Variants in NDRG1 observed in about 807,000 individuals in gnomAD.
The protein encoded by NDRG1 is N-myc downstream regulated 1.
A neutral mutation model predicts 56.9 loss-of-function variants in NDRG1; 32 were observed. That is an observed-to-expected ratio of 0.56 (90% CI 0.42 to 0.76). The LOEUF (loss-of-function observed/expected upper bound fraction) is 0.76. Ranked by LOEUF, NDRG1 falls within the 30% of genes least tolerant of loss-of-function variation. The probability of loss-of-function intolerance (pLI) is 0.00; values close to 1 mark genes in which losing one functional copy is unlikely to be tolerated. For synonymous variants in NDRG1, 211 were observed against 204.1 expected, an observed-to-expected ratio of 1.03 and a Z score of -0.29; for missense variants, 507 against 545.7, an observed-to-expected ratio of 0.93 and a Z score of 0.71.
At chr8:133,267,619 T>C (rs1196008728) in intron 3 of NDRG1, among the ~76,000 whole-genome samples, 4 of 152,214 alleles carry the variant, frequency 2.6e-5, no homozygotes, top group African/African-American at 9.6e-5. Flanking sequence ...CTGAAGCCAC[T>C]GTGGGAACAA....
At chr8:133,255,445 C>T (rs1856318538) in intron 8 of NDRG1, 1 of 455,510 alleles carries the variant, frequency 2.2e-6, no homozygotes, top group African/African-American at 2.0e-5. Context: ...TAAAGCTGTA[C>T]TGAAGGGAAT....
At chr8:133,276,109 G>A (rs191014795) in intron 3 of NDRG1, among the ~76,000 whole-genome samples, 9 of 152,294 alleles carry the variant, frequency 5.9e-5, no homozygotes, top group East Asian at 5.8e-4. Flanking sequence ...CCAGGCTGGT[G>A]CACAATGCTG....
In NDRG1 at chr8:133,274,918, C is replaced by T. The variant is rs547626573; in HGVS notation, c.99+5314G>A. On this transcript the variant is annotated intron_variant, in intron 3 of 15. Coordinates refer to ENST00000323851, the MANE Select transcript of NDRG1 (RefSeq NM_006096.4). ...GGTCCCCAAAGATTCAGCAAGAGGG[C>T]GTGGGAGGCCCTCAGTGCTGGCCTG... 1.3e-3 allele frequency among the ~76,000 whole-genome samples: 203 copies of T among 152,270 alleles called. 4 individuals carry two copies. In the Middle Eastern group the frequency reaches 0.017, roughly 13 times the overall value.
At chr8:133,251,550 G>A (rs899453993) in intron 9 of NDRG1, among the ~76,000 whole-genome samples, 11 of 152,214 alleles carry the variant, frequency 7.2e-5, no homozygotes, top group South Asian at 4.1e-4. Context: ...GATGCTCAAC[G>A]CTATGTCTGA....
In NDRG1 at chr8:133,248,790, T is replaced by G; in HGVS notation, c.699-19A>C. Reference sequence around the variant, plus strand: ...GCGCCGGCTGCAGGAAACAAATGCATCATTAGCATGAGGACCCCTCCCCTG... The same window carrying G: ...GCGCCGGCTGCAGGAAACAAATGCAGCATTAGCATGAGGACCCCTCCCCTG... On this transcript the variant is annotated intron_variant, in intron 10 of 15. Transcript: ENST00000323851. 1.2e-6 allele frequency: 2 copies of G among 1,613,994 alleles called. No individual in the cohort carries two copies. The highest frequency in any genetic ancestry group is 1.7e-6 in the Non-Finnish European group (2 of 1,179,998).
intron 11 of NDRG1, 97 bp from the exon 12 acceptor site, chr8:133,248,023 A>C: frequency 5.7e-6 from 7 of 1,226,674 alleles, no homozygotes; most frequent in Non-Finnish European, 8.4e-6. Flanking sequence ...TCTACAAACA[A>C]TGTCATTTTG....
Position 133,254,579 on chromosome 8 carries a change from T to C in NDRG1, c.554A>G (p.Gln185Arg), listed in dbSNP as rs776030527. 1.9e-6 allele frequency: 3 copies of C among 1,614,130 alleles called. No individual in the cohort carries two copies. The highest frequency in any genetic ancestry group is 1.1e-5 in the South Asian group (1 of 91,058). Residue 185 changes from glutamine to arginine, a missense_variant, in exon 9 of 16, where the codon CAA (glutamine) becomes CGA (arginine). Transcript: ENST00000323851. ...WAASKISGWT[Q>R]ALPDMVVSHL... Reference sequence around the variant, plus strand: ...GGACACCACCATGTCCGGCAGAGCTTGGGTCCATCCTGAGATCTGGAAAGG... The same window carrying C: ...GGACACCACCATGTCCGGCAGAGCTCGGGTCCATCCTGAGATCTGGAAAGG...
Position 133,247,882 on chromosome 8 carries a change from T to C in NDRG1, c.800A>G (p.Asp267Gly), listed in dbSNP as rs1287073036. 3.1e-6 allele frequency: 5 copies of C among 1,614,044 alleles called. No individual in the cohort carries two copies. The highest frequency in any genetic ancestry group is 1.7e-5 in the Admixed American group (1 of 60,028). ...GCTGTGATTTCTACATACCACGGCATCCACTGCAGGCGAGCTGTCCCCAAC... is the reference window on the plus strand; with the variant it reads ...GCTGTGATTTCTACATACCACGGCACCCACTGCAGGCGAGCTGTCCCCAAC... ...LVVGDSSPAV[D>G]AVVECNSKLD... Residue 267 changes from aspartate to glycine, a missense_variant, in exon 12 of 16, where the codon GAT becomes GGT. Transcript: ENST00000323851.
chr8:133,250,992 C>T (rs1855996025), intron 9 of NDRG1, among the ~76,000 whole-genome samples: 1 of 151,802 alleles, frequency 6.6e-6, no homozygotes, highest in Non-Finnish European at 1.5e-5. Flanking sequence ...TGTGTTCTCA[C>T]CTCTACTAAC....
intron 1 of NDRG1, among the ~76,000 whole-genome samples, chr8:133,289,594 G>A (rs1858318437): frequency 6.6e-6 from 1 of 152,210 alleles, no homozygotes; most frequent in Admixed American, 6.5e-5. Context: ...AGCAGACCCA[G>A]GAGAGTCAGA....
chr8:133,282,536 A>T (rs969606878), intron 2 of NDRG1, among the ~76,000 whole-genome samples: 2 of 152,222 alleles, frequency 1.3e-5, no homozygotes, highest in Admixed American at 6.5e-5. Context: ...GAATATGGTG[A>T]TATGTATTTG....
At position 133,238,782 on chromosome 8, in the gene NDRG1, T is replaced by C. The variant is rs990839010; in HGVS notation, c.*96A>G. 2.9e-6 allele frequency: 4 copies of C among 1,356,212 alleles called. No homozygotes were observed. The highest frequency in any genetic ancestry group is 4.0e-6 in the Non-Finnish European group (4 of 1,007,072). 84.0% of individuals were successfully genotyped at this position (1,356,212 alleles called of 1,614,324 possible). On this transcript the variant is annotated 3_prime_UTR_variant, in exon 16 of 16. Transcript: ENST00000323851. ...AAATAAGCTTTGGATTAATACCGAGTTAGGCGCAGTATGGCAGGCAGGGGG... is the reference window on the plus strand; with the variant it reads ...AAATAAGCTTTGGATTAATACCGAGCTAGGCGCAGTATGGCAGGCAGGGGG...
At chr8:133,259,300 T>C (rs952624466) in intron 5 of NDRG1, 70 bp from the exon 6 acceptor site, 28 of 1,499,112 alleles carry the variant, frequency 1.9e-5, no homozygotes, top group African/African-American at 1.4e-5. Flanking sequence ...AGGGACACGC[T>C]TGAAGGGTGG....
At chr8:133,275,791 C>G (rs1390873323) in intron 3 of NDRG1, among the ~76,000 whole-genome samples, 1 of 152,186 alleles carries the variant, frequency 6.6e-6, no homozygotes, top group Non-Finnish European at 1.5e-5. Flanking sequence ...CAGGCAAGTT[C>G]CCTAACCTCT....
At chr8:133,248,277 C>T (rs989551417) in intron 11 of NDRG1, among the ~76,000 whole-genome samples, 2 of 152,174 alleles carry the variant, frequency 1.3e-5, no homozygotes, top group East Asian at 1.9e-4. Context: ...TGTCACACAA[C>T]GCGGTGCACT....
Position 133,243,696 on chromosome 8 carries a change from G to A in NDRG1, c.891+659C>T, listed in dbSNP as rs912057907. ...AAGAAAAAAAGGAGGAAGAAAGGAG[G>A]CAGGGCAGGTTTTGGATAAAAAAGA... is the stretch of plus-strand genomic sequence containing the variant. On this transcript the variant is annotated intron_variant, in intron 14 of 15. Coordinates refer to ENST00000323851, the MANE Select transcript of NDRG1 (RefSeq NM_006096.4). 5.3e-5 allele frequency among the ~76,000 whole-genome samples: 8 copies of A among 152,252 alleles called. No homozygotes were observed. The East Asian group carries it at 7.7e-4, about 15-fold the overall frequency.
intron 9 of NDRG1, among the ~76,000 whole-genome samples, chr8:133,254,281 C>T (rs1163395122): frequency 6.6e-6 from 1 of 152,188 alleles, no homozygotes; most frequent in Non-Finnish European, 1.5e-5. Context: ...AATGTATATG[C>T]ATGTCAATTG....
chr8:133,237,791 G>A lies in NDRG1; in HGVS notation c.*1087C>T, dbSNP rs766707808. ...GAGTTCACGTTCCAGCCCAGCTGTCGAAGATTGAAAACTGGATTTAAGCCA... is the reference window on the plus strand; with the variant it reads ...GAGTTCACGTTCCAGCCCAGCTGTCAAAGATTGAAAACTGGATTTAAGCCA... On this transcript the variant is annotated 3_prime_UTR_variant, in exon 16 of 16. Transcript: ENST00000323851. 19 of 230,782 alleles carry A rather than the reference G, an allele frequency of 8.2e-5. No individual in the cohort carries two copies. The highest frequency in any genetic ancestry group is 2.9e-4 in the African/African-American group (13 of 44,774). 14.3% of individuals were successfully genotyped at this position (230,782 alleles called of 1,614,324 possible). A position where few individuals can be genotyped will look rare whatever the true frequency, so the allele number is the denominator to read the frequency against.
chr8:133,253,183 G>A (rs1246714807), intron 9 of NDRG1, among the ~76,000 whole-genome samples: 2 of 152,248 alleles, frequency 1.3e-5, no homozygotes, highest in Non-Finnish European at 2.9e-5. Context: ...ACCAGTGTCT[G>A]GGGCCAGGCA....
Sources: allele counts gnomAD v4.1 joint callset (sites outside exome capture counted in the v4.1 genomes callset), GRCh38; gene constraint gnomAD v4.1.1; transcripts MANE v1.5; gene names NCBI Gene and HGNC (gene_info 2026-07-23, HGNC 2026-07-21).